Variants in SRGAP1 observed in about 807,000 individuals in gnomAD.
SRGAP1 encodes the protein SLIT-ROBO Rho GTPase-activating protein 1.
In SRGAP1, 43 loss-of-function variants were observed where a neutral mutation model predicts 121.9. The observed-to-expected ratio is 0.35, with a 90% CI of 0.28 to 0.46. The LOEUF (loss-of-function observed/expected upper bound fraction) is 0.46, where lower values mean the gene tolerates loss of function less well. Among genes scored for constraint, SRGAP1 ranks in the 20% least tolerant of loss-of-function variants. The pLI is 1.00. For missense variants in SRGAP1, 1,102 were observed against 1,350.9 expected, an observed-to-expected ratio of 0.82 and a Z score of 2.89; for synonymous variants, 447 against 485.4, an observed-to-expected ratio of 0.92 and a Z score of 1.04.
At position 64,146,552 on chromosome 12, in the gene SRGAP1, G is replaced by A. The variant is rs1441955224; in HGVS notation, c.*3880G>A. ...AGAGCCTATGTGTCTCTTGAGGCGG[G>A]GGTTAGAGGATTCAAATTTGGGATG... On this transcript the variant is annotated 3_prime_UTR_variant, in exon 22 of 22. Transcript: ENST00000355086. 1 of 152,102 alleles carries A rather than the reference G, an allele frequency of 6.6e-6. No individual in the cohort carries two copies. Among genetic ancestry groups the A allele is most frequent in the African/African-American group, 2.4e-5 (1 of 41,410 alleles). 9.4% of individuals were successfully genotyped at this position (152,102 alleles called of 1,614,324 possible). A position where few individuals can be genotyped will look rare whatever the true frequency, so the allele number is the denominator to read the frequency against.
chr12:63,947,231 G>A (rs1303647185), intron 1 of SRGAP1, among the ~76,000 whole-genome samples: 1 of 152,106 alleles, frequency 6.6e-6, no homozygotes, highest in Non-Finnish European at 1.5e-5. Context: ...CGAAGTGATG[G>A]TACCATTTTA....
At chr12:64,036,012 C>T (rs1188965026) in intron 4 of SRGAP1, among the ~76,000 whole-genome samples, 2 of 152,210 alleles carry the variant, frequency 1.3e-5, no homozygotes, top group East Asian at 3.8e-4. Flanking sequence ...AACTTGCCCA[C>T]TTAAGAATTG....
rs556550003 is a variant in SRGAP1 at position 64,011,929 on chromosome 12, C to CA, written c.427-5021_427-5020insA. Among the ~76,000 whole-genome samples the CA allele has an allele frequency of 1.2e-3, 179 of 152,118 alleles. 1 individual carries two copies. Among genetic ancestry groups the CA allele is most frequent in the African/African-American group, 4.1e-3 (171 of 41,482 alleles). ...CCAGCCTGGGCAACATGGCAAAACC[C>CA]TCTCTACATAAAATACAAAAATTAG... is the stretch of plus-strand genomic sequence containing the variant. On this transcript the variant is annotated intron_variant, in intron 3 of 21. Coordinates refer to ENST00000355086, the MANE Select transcript of SRGAP1 (RefSeq NM_020762.4).
At chr12:63,955,696 CTT>C (rs1472562083) in intron 1 of SRGAP1, among the ~76,000 whole-genome samples, 1 of 150,218 alleles carries the variant, frequency 6.7e-6, no homozygotes, top group Non-Finnish European at 1.5e-5. Flanking sequence ...ATAAGTTTCT[CTT>C]TTTTATTTTT....
intron 1 of SRGAP1, among the ~76,000 whole-genome samples, chr12:63,943,206 A>G (rs1040176060): frequency 2.0e-5 from 3 of 152,242 alleles, no homozygotes; most frequent in Non-Finnish European, 4.4e-5. Flanking sequence ...GTAATTTTAT[A>G]ATAAGCTGCA....
intron 8 of SRGAP1, among the ~76,000 whole-genome samples, chr12:64,068,272 C>CAAAAAA (rs765189176): frequency 8.7e-5 from 5 of 57,302 alleles, no homozygotes; most frequent in African/African-American, 2.0e-4. Flanking sequence ...AACTCTGTCT[C>CAAAAAA]AAAAAAAAAA....
At chr12:63,960,435 C>A (rs1385185083) in intron 1 of SRGAP1, among the ~76,000 whole-genome samples, 2 of 152,048 alleles carry the variant, frequency 1.3e-5, no homozygotes, top group Non-Finnish European at 2.9e-5. Flanking sequence ...GGTTCCTCTA[C>A]CCCCAGTCTG....
intron 21 of SRGAP1, among the ~76,000 whole-genome samples, chr12:64,134,201 C>G (rs1250595841): frequency 6.6e-6 from 1 of 151,962 alleles, no homozygotes; most frequent in Non-Finnish European, 1.5e-5. Context: ...GCAGGCAGAT[C>G]ACGGGGTCAG....
chr12:64,007,033 C>A (rs1167005269), intron 3 of SRGAP1, among the ~76,000 whole-genome samples: 2 of 152,134 alleles, frequency 1.3e-5, no homozygotes, highest in African/African-American at 4.8e-5. Flanking sequence ...CTCCACCAAA[C>A]AGGGCAATCA....
chr12:64,096,512 A>ATAATT (rs1169449388), intron 14 of SRGAP1, among the ~76,000 whole-genome samples: 1 of 152,224 alleles, frequency 6.6e-6, no homozygotes, highest in African/African-American at 2.4e-5. Flanking sequence ...TTGTTGCCTA[A>ATAATT]TAATTTAATT....
chr12:63,938,319 A>G (rs2031739253), intron 1 of SRGAP1, among the ~76,000 whole-genome samples: 2 of 152,106 alleles, frequency 1.3e-5, no homozygotes, highest in African/African-American at 2.4e-5. Context: ...GATCTTTAGG[A>G]GCCCTTGTAG....
chr12:64,147,563 C>T lies in SRGAP1; in HGVS notation c.*4891C>T, dbSNP rs759847885. Reference sequence around the variant, plus strand: ...ACCCCTGTGTCCTCCCATCCCACCGCATCAGTCCCCCGCTCATGTGCTGCT... The same window carrying T: ...ACCCCTGTGTCCTCCCATCCCACCGTATCAGTCCCCCGCTCATGTGCTGCT... On this transcript the variant is annotated 3_prime_UTR_variant, in exon 22 of 22. Transcript: ENST00000355086. The T allele has an allele frequency of 1.8e-5, 7 of 398,926 alleles. No individual in the cohort carries two copies. The highest frequency in any genetic ancestry group is 2.7e-5 in the Non-Finnish European group (6 of 226,372). The allele number at this position is 398,926 out of a possible 1,614,324, so 24.7% of individuals were successfully genotyped here.
chr12:64,069,995 C>T (rs551376469), intron 8 of SRGAP1, among the ~76,000 whole-genome samples: 2 of 152,296 alleles, frequency 1.3e-5, no homozygotes, highest in South Asian at 2.1e-4. Flanking sequence ...CCTTGGCCTC[C>T]CAGAGTGCTG....
At chr12:63,882,531 G>A (rs1420587059) in intron 1 of SRGAP1, among the ~76,000 whole-genome samples, 2 of 151,954 alleles carry the variant, frequency 1.3e-5, no homozygotes, top group African/African-American at 2.4e-5. Context: ...TTATCCACCC[G>A]CCTCGGCCTC....
At chr12:64,139,353 A>G (rs1413453897) in intron 21 of SRGAP1, among the ~76,000 whole-genome samples, 3 of 152,260 alleles carry the variant, frequency 2.0e-5, no homozygotes, top group Non-Finnish European at 4.4e-5. Context: ...GTAAGTGCTC[A>G]AAAATTTGTT....
At chr12:63,900,000 G>A (rs80191731) in intron 1 of SRGAP1, among the ~76,000 whole-genome samples, 515 of 152,188 alleles carry the variant, frequency 3.4e-3, no homozygotes, top group Middle Eastern at 0.014. Flanking sequence ...GCTTGATAGA[G>A]CTCTTAACAG....
At chr12:64,127,010 G>A (rs1236357931) in intron 19 of SRGAP1, among the ~76,000 whole-genome samples, 2 of 152,122 alleles carry the variant, frequency 1.3e-5, no homozygotes, top group Non-Finnish European at 1.5e-5. Context: ...GCAAATACTT[G>A]TTTACACCAT....
At chr12:64,038,603 A>G (rs991779153) in intron 4 of SRGAP1, 7 of 152,238 alleles carry the variant, frequency 4.6e-5, no homozygotes, top group African/African-American at 1.4e-4. Context: ...GATTTAAACT[A>G]TAAGAGTAGT....
intron 1 of SRGAP1, among the ~76,000 whole-genome samples, chr12:63,891,753 G>A (rs1900587705): frequency 6.6e-6 from 1 of 152,084 alleles, no homozygotes; most frequent in South Asian, 2.1e-4. Context: ...TTGGGAGACC[G>A]AGGTGGGAGG....
Sources: allele counts gnomAD v4.1 joint callset (sites outside exome capture counted in the v4.1 genomes callset), GRCh38; gene constraint gnomAD v4.1.1; transcripts MANE v1.5; gene names NCBI Gene and HGNC (gene_info 2026-07-23, HGNC 2026-07-21).